The following CNR2 variants were observed in gnomAD, a reference collection of about 807,000 sequenced individuals.
The protein encoded by CNR2 is cannabinoid receptor 2 (macrophage).
For synonymous variants in CNR2, 172 were observed against 182.2 expected (o/e 0.94, Z 0.45); for missense variants, 379 against 439.9 (o/e 0.86, Z 1.24).
intron 1 of CNR2, among the ~76,000 whole-genome samples, chr1:23,890,269 AAAAAAG>A (rs1640163096): frequency 1.3e-5 from 2 of 150,320 alleles, no homozygotes; most frequent in Non-Finnish European, 3.0e-5. Context: ...AAAAAAAAAA[AAAAAAG>A]AAAAGAAAAG....
chr1:23,886,291 G>A (rs913754502), intron 1 of CNR2, among the ~76,000 whole-genome samples: 19 of 152,018 alleles, frequency 1.2e-4, no homozygotes, highest in Non-Finnish European at 2.4e-4. Flanking sequence ...TAAGAGGATA[G>A]GTGCTTCTTG....
chr1:23,894,063 T>C (rs7550878), intron 1 of CNR2, among the ~76,000 whole-genome samples: 2 of 150,658 alleles, frequency 1.3e-5, no homozygotes, highest in African/African-American at 4.9e-5. Context: ...GAAGCTGCAG[T>C]GAGCCGTGAT....
At chr1:23,902,021 A>T in intron 1 of CNR2, 1 of 1,603,376 alleles carries the variant, frequency 6.2e-7, no homozygotes, top group East Asian at 2.2e-5. Flanking sequence ...CTCCAGAGTC[A>T]GGATGTCTGG....
chr1:23,890,275 G>A (rs2501394), intron 1 of CNR2, among the ~76,000 whole-genome samples: 91,757 of 111,444 alleles, frequency 0.82, 37,832 homozygotes, highest in Non-Finnish European at 0.85. Context: ...AAAAAAAAAA[G>A]AAAAGAAAAG....
At chr1:23,885,640 G>GACACCA (rs370477260) in intron 1 of CNR2, among the ~76,000 whole-genome samples, 2 of 151,608 alleles carry the variant, frequency 1.3e-5, no homozygotes, top group African/African-American at 4.8e-5. Flanking sequence ...AGCACTCTGG[G>GACACCA]AGGCTGAAGC....
At chr1:23,880,195 T>TTTTTTTTTTTTTTA (rs59735146) in intron 1 of CNR2, among the ~76,000 whole-genome samples, 1 of 150,666 alleles carries the variant, frequency 6.6e-6, no homozygotes, top group African/African-American at 2.4e-5. Context: ...CTTTTTTTTT[T>TTTTTTTTTTTTTTA]GAGACGGAGT....
chr1:23,881,945 G>A (rs961339203), intron 1 of CNR2, among the ~76,000 whole-genome samples: 7 of 151,184 alleles, frequency 4.6e-5, no homozygotes, highest in African/African-American at 1.7e-4. Flanking sequence ...TTCTTGAGAT[G>A]GAGTCTCACT....
At chr1:23,901,714 G>T in intron 1 of CNR2, 1 of 1,412,836 alleles carries the variant, frequency 7.1e-7, no homozygotes, top group Non-Finnish European at 1.0e-6. Flanking sequence ...TGTCCGACAT[G>T]AATTTGGTCA....
In CNR2 at chr1:23,874,436, G is replaced by C; in HGVS notation, c.*99C>G. The C allele has an allele frequency of 7.5e-7, 1 of 1,333,068 alleles. No homozygotes were observed. Among genetic ancestry groups the C allele is most frequent in the South Asian group, 1.4e-5 (1 of 71,862 alleles). The allele number at this position is 1,333,068 out of a possible 1,614,324, so 82.6% of individuals were successfully genotyped here. ...AAGGGGTCCGTGTCTAGGTGTCTGGGACTGGTTTAAGTAAGAAGAGAGTGC... is the reference window on the plus strand; with the variant it reads ...AAGGGGTCCGTGTCTAGGTGTCTGGCACTGGTTTAAGTAAGAAGAGAGTGC... On this transcript the variant is annotated 3_prime_UTR_variant, in exon 2 of 2. Transcript: ENST00000374472.
At chr1:23,902,711 G>T in intron 1 of CNR2, 1 of 1,588,028 alleles carries the variant, frequency 6.3e-7, no homozygotes, top group Non-Finnish European at 8.5e-7. Context: ...TGTTGAACAT[G>T]AGCGCGTTCC....
chr1:23,890,413 C>T (rs188683177), intron 1 of CNR2, among the ~76,000 whole-genome samples: 1 of 152,232 alleles, frequency 6.6e-6, no homozygotes, highest in Non-Finnish European at 1.5e-5. Flanking sequence ...CAAACCACCA[C>T]ATTTTGGAAA....
chr1:23,878,093 A>G (rs1027033579), intron 1 of CNR2, among the ~76,000 whole-genome samples: 2 of 152,222 alleles, frequency 1.3e-5, no homozygotes, highest in African/African-American at 4.8e-5. Flanking sequence ...ATCTCAGAGG[A>G]GTGTTAGAGA....
At chr1:23,902,394 G>C in intron 1 of CNR2, 1 of 1,586,980 alleles carries the variant, frequency 6.3e-7, no homozygotes, top group South Asian at 1.1e-5. Flanking sequence ...TTTCAGACTT[G>C]TCCCCAGAAA....
intron 1 of CNR2, among the ~76,000 whole-genome samples, chr1:23,909,042 G>A (rs906890301): frequency 7.2e-5 from 11 of 152,012 alleles, no homozygotes; most frequent in African/African-American, 1.9e-4. Context: ...AGGAGAAGCC[G>A]TGAAGCTCAC....
intron 1 of CNR2, among the ~76,000 whole-genome samples, chr1:23,904,732 C>T (rs903660404): frequency 5.3e-5 from 8 of 152,154 alleles, no homozygotes; most frequent in African/African-American, 1.9e-4. Context: ...CCATGAAGTG[C>T]TCTCTGTAGG....
chr1:23,909,213 C>T (rs1002269179), intron 1 of CNR2, among the ~76,000 whole-genome samples: 24 of 152,240 alleles, frequency 1.6e-4, no homozygotes, highest in African/African-American at 5.8e-4. Context: ...TTAATCTGGC[C>T]TTGTCTGTCA....
chr1:23,886,856 T>A (rs1241456102), intron 1 of CNR2, among the ~76,000 whole-genome samples: 1 of 152,170 alleles, frequency 6.6e-6, no homozygotes, highest in Non-Finnish European at 1.5e-5. Flanking sequence ...GATGGCCCTA[T>A]GCAGAGAAGT....
chr1:23,892,924 G>A (rs987975765), intron 1 of CNR2, among the ~76,000 whole-genome samples: 4 of 152,306 alleles, frequency 2.6e-5, no homozygotes, highest in East Asian at 1.9e-4. Context: ...GCTGAGGCAG[G>A]AGAATCACTT....
intron 1 of CNR2, among the ~76,000 whole-genome samples, chr1:23,883,278 C>T (rs1377594034): frequency 6.6e-6 from 1 of 152,220 alleles, no homozygotes; most frequent in Non-Finnish European, 1.5e-5. Flanking sequence ...TTGACACAGA[C>T]ACTTTGAAGA....
Sources: gnomAD v4.1 joint callset for allele counts (sites outside exome capture counted in the v4.1 genomes callset) on GRCh38, gnomAD v4.1.1 for gene constraint, MANE v1.5 for transcripts, NCBI Gene and HGNC (gene_info 2026-07-23, HGNC 2026-07-21) for gene names.